BCL7C: variants seen among roughly 807,000 people sequenced by gnomAD.
BCL7C encodes the protein B-cell CLL/lymphoma 7 protein family member C.
BCL7C carries 8 observed loss-of-function variants against 26.2 expected under a neutral mutation model. The ratio of observed to expected loss-of-function variants is 0.30; its 90% CI spans 0.18 to 0.55. The LOEUF is 0.55. Ranked by LOEUF, BCL7C falls within the 20% of genes least tolerant of loss-of-function variation. The probability of loss-of-function intolerance (pLI) is 0.93; values close to 1 mark genes in which losing one functional copy is unlikely to be tolerated. For synonymous variants in BCL7C, 90 were observed against 116.5 expected, an observed-to-expected ratio of 0.77 and a Z score of 1.47; for missense variants, 262 against 298.5, an observed-to-expected ratio of 0.88 and a Z score of 0.90.
intron 5 of BCL7C, among the ~76,000 whole-genome samples, chr16:30,869,155 T>G (rs559449578): frequency 1.3e-5 from 2 of 152,244 alleles, no homozygotes; most frequent in African/African-American, 4.8e-5. Flanking sequence ...AGTTCCAGCT[T>G]TGCTGTGTCA....
chr16:30,876,375 A>G (rs2054949987), intron 5 of BCL7C, among the ~76,000 whole-genome samples: 1 of 152,224 alleles, frequency 6.6e-6, no homozygotes, highest in African/African-American at 2.4e-5. Flanking sequence ...ACAGGACCTC[A>G]GGGATCTTTT....
chr16:30,867,329 G>A (rs1025532014), intron 5 of BCL7C, among the ~76,000 whole-genome samples: 15 of 152,018 alleles, frequency 9.9e-5, no homozygotes, highest in South Asian at 2.1e-4. Context: ...TATGTATATG[G>A]ATGTTTCATA....
At chr16:30,867,337 A>G (rs529330275) in intron 5 of BCL7C, among the ~76,000 whole-genome samples, 126 of 152,242 alleles carry the variant, frequency 8.3e-4, no homozygotes, top group Non-Finnish European at 1.4e-3. Context: ...TGGATGTTTC[A>G]TAAGTGGTAG....
chr16:30,880,543 CA>C (rs34003724), intron 5 of BCL7C, among the ~76,000 whole-genome samples: 96,016 of 123,228 alleles, frequency 0.78, 37,959 homozygotes, highest in East Asian at 0.98. Context: ...ACTAAAAATA[CA>C]AAAAAAAAAA....
In BCL7C at chr16:30,892,572, G is replaced by T. The variant is rs754849994; in HGVS notation, c.442+14C>A. Reference sequence around the variant, plus strand: ...ACTTAGAGGAGAGAGCTCCTGGGAGGTACCTGGTCCTACCTCTCTCTTGGC... The same window carrying T: ...ACTTAGAGGAGAGAGCTCCTGGGAGTTACCTGGTCCTACCTCTCTCTTGGC... On this transcript the variant is annotated intron_variant, in intron 4 of 5. Transcript: ENST00000215115. 2 of 1,539,780 alleles carry T rather than the reference G, an allele frequency of 1.3e-6. No individual in the cohort carries two copies. Among genetic ancestry groups the T allele is most frequent in the Admixed American group, 2.2e-5 (1 of 45,906 alleles).
intron 5 of BCL7C, among the ~76,000 whole-genome samples, chr16:30,846,637 A>G (rs1438109427): frequency 6.6e-6 from 1 of 152,178 alleles, no homozygotes; most frequent in East Asian, 1.9e-4. Context: ...TATCATTCCA[A>G]TCCCCTATCA....
At chr16:30,836,081 C>T (rs1333745325) in intron 5 of BCL7C, among the ~76,000 whole-genome samples, 5 of 151,736 alleles carry the variant, frequency 3.3e-5, no homozygotes, top group Non-Finnish European at 5.9e-5. Context: ...GGTGAAACCC[C>T]GTCTCTACTA....
intron 3 of BCL7C, 23 bp from the exon 4 acceptor site, chr16:30,892,770 G>A (rs1325563012): frequency 6.2e-7 from 1 of 1,614,002 alleles, no homozygotes; most frequent in East Asian, 2.2e-5. Context: ...GAGCCGAGAT[G>A]GTTGGCCTGA....
chr16:30,892,619 C>CCTCAGGGA lies in BCL7C; in HGVS notation c.401_408dup (p.Glu137SerfsTer19). The CCTCAGGGA allele has an allele frequency of 1.9e-6, 3 of 1,601,968 alleles. No homozygotes were observed. Among genetic ancestry groups the CCTCAGGGA allele is most frequent in the Non-Finnish European group, 2.6e-6 (3 of 1,175,480 alleles). On this transcript the variant is annotated frameshift_variant, in exon 4 of 6. Coordinates refer to ENST00000215115, the MANE Select transcript of BCL7C (RefSeq NM_004765.4). LOFTEE classifies it high-confidence loss of function. ...TGGCCCAGCCGTGGGGGCTGAGCCT[C>CCTCAGGGA]CTCAGGGACCCCTTCTGGGGGTCCG... is the stretch of plus-strand genomic sequence containing the variant.
In BCL7C at chr16:30,861,162, G is replaced by A. The variant is rs532950025; in HGVS notation, c.529-26014C>T. On this transcript the variant is annotated intron_variant, in intron 5 of 5. Coordinates refer to the BCL7C transcript ENST00000380317. ...GCCCGTTTGGCAATAACCCTTAGAC[G>A]CTCTACCGCCCTTTACTCGACATTA... Among the ~76,000 whole-genome samples, 6 of 152,124 alleles carry A rather than the reference G, an allele frequency of 3.9e-5. No individual in the cohort carries two copies. The East Asian group carries it at 9.7e-4, about 25-fold the overall frequency.
chr16:30,863,519 A>G (rs2054795899), intron 5 of BCL7C, among the ~76,000 whole-genome samples: 1 of 152,198 alleles, frequency 6.6e-6, no homozygotes, highest in East Asian at 1.9e-4. Context: ...GCTGGAGTCA[A>G]TCACTGCAAG....
At chr16:30,865,872 G>A (rs987980134) in intron 5 of BCL7C, among the ~76,000 whole-genome samples, 7 of 143,522 alleles carry the variant, frequency 4.9e-5, no homozygotes, top group African/African-American at 7.7e-5. Context: ...GATTACAGGC[G>A]CCCGCCACAG....
intron 4 of BCL7C, among the ~76,000 whole-genome samples, chr16:30,889,898 C>T (rs2055198662): frequency 6.7e-6 from 1 of 149,692 alleles, no homozygotes; most frequent in African/African-American, 2.5e-5. Context: ...TGCATTCCAG[C>T]CTGGGCGACA....
At chr16:30,872,521 G>T (rs1339385793) in intron 5 of BCL7C, among the ~76,000 whole-genome samples, 1 of 152,196 alleles carries the variant, frequency 6.6e-6, no homozygotes, top group African/African-American at 2.4e-5. Flanking sequence ...CTGAACTGCG[G>T]TGTGCCGTTG....
rs1203248477 is a variant in BCL7C, at chr16:30,837,113, AT to A, written c.529-1966del. ...CCGGCCGACTCCATCTCTTTAAAAAATTTTTTTTCAACTCTCGTCACTGAGT... is the reference window on the plus strand; with the variant it reads ...CCGGCCGACTCCATCTCTTTAAAAAATTTTTTTCAACTCTCGTCACTGAGT... On this transcript the variant is annotated intron_variant, in intron 5 of 5. Transcript: ENST00000380317. Among the ~76,000 whole-genome samples, 4 of 151,476 alleles carry A rather than the reference AT, an allele frequency of 2.6e-5. No homozygotes were observed. In the South Asian group the frequency reaches 6.3e-4, roughly 24 times the overall value.
At chr16:30,872,754 G>T (rs1323908399) in intron 5 of BCL7C, among the ~76,000 whole-genome samples, 4 of 152,130 alleles carry the variant, frequency 2.6e-5, no homozygotes, top group Non-Finnish European at 5.9e-5. Flanking sequence ...GGTAGTTTTG[G>T]CAATCAGACA....
intron 5 of BCL7C, among the ~76,000 whole-genome samples, chr16:30,858,152 T>C (rs1567312186): frequency 6.6e-6 from 1 of 152,296 alleles, no homozygotes; most frequent in East Asian, 1.9e-4. Context: ...GCAGAGTATT[T>C]CTCTCCTGCT....
intron 5 of BCL7C, among the ~76,000 whole-genome samples, chr16:30,861,540 C>T (rs890097774): frequency 4.6e-5 from 7 of 152,202 alleles, no homozygotes; most frequent in Non-Finnish European, 1.0e-4. Context: ...CTGTCCAACT[C>T]GCCCAGCAGC....
chr16:30,857,281 G>A (rs1386758870), intron 5 of BCL7C, among the ~76,000 whole-genome samples: 2 of 151,600 alleles, frequency 1.3e-5, no homozygotes, highest in African/African-American at 2.4e-5. Context: ...CCAGCTACCC[G>A]GGAGGCTGAG....
Sources: gnomAD v4.1 joint callset for allele counts (sites outside exome capture counted in the v4.1 genomes callset) on GRCh38, gnomAD v4.1.1 for gene constraint, MANE v1.5 for transcripts, NCBI Gene and HGNC (gene_info 2026-07-23, HGNC 2026-07-21) for gene names.